TMA7: variants seen among roughly 807,000 people sequenced by gnomAD.
The protein encoded by TMA7 is translation machinery-associated protein 7.
In TMA7, 5 loss-of-function variants were observed where a neutral mutation model predicts 12.5. That is an observed-to-expected ratio of 0.40 (90% confidence interval 0.21 to 0.84). TMA7 has a LOEUF of 0.84. Among genes scored for constraint, TMA7 ranks in the 40% least tolerant of loss-of-function variants. The probability of loss-of-function intolerance (pLI) is 0.36; values close to 1 mark genes in which losing one functional copy is unlikely to be tolerated. For missense variants in TMA7, 71 were observed against 75.4 expected, an observed-to-expected ratio of 0.94 and a Z score of 0.22; for synonymous variants, 36 against 28.1, an observed-to-expected ratio of 1.28 and a Z score of -0.89.
rs200628256 is a variant in TMA7, at chr3:48,440,281, A to T, written c.-16A>T. Reference sequence around the variant, plus strand: ...CGTTTCCGGTGGCAGGGTCTGGGGAAGCGGCGGCAGGCGCCATGTCCGGCC... The same window carrying T: ...CGTTTCCGGTGGCAGGGTCTGGGGATGCGGCGGCAGGCGCCATGTCCGGCC... On this transcript the variant is annotated 5_prime_UTR_variant, in exon 1 of 4. It adds an upstream start codon to the 5' untranslated region. Transcript: ENST00000438607. 1 of 1,600,022 alleles carries T rather than the reference A, an allele frequency of 6.2e-7. No homozygotes were observed. Among genetic ancestry groups the T allele is most frequent in the Admixed American group, 1.7e-5 (1 of 59,272 alleles).
In TMA7 at chr3:48,443,833, ATT is replaced by A. The variant is rs1440909225; in HGVS notation, c.161-11_161-10del. ...ACTATATTTTTCCCTAATTGTGACT[ATT>A]TTTCTTTTGCAGCCACAGGTGGAAT... On this transcript the variant is annotated splice_polypyrimidine_tract_variant and intron_variant, in intron 3 of 3. Coordinates refer to ENST00000438607, the MANE Select transcript of TMA7 (RefSeq NM_015933.6). 1.3e-6 allele frequency: 2 copies of A among 1,558,504 alleles called. No homozygotes were observed. The highest frequency in any genetic ancestry group is 1.7e-6 in the Non-Finnish European group (2 of 1,158,694).
intron 3 of TMA7, chr3:48,441,147 C>G (rs2039553631): frequency 6.5e-6 from 1 of 153,954 alleles, no homozygotes; most frequent in African/African-American, 2.4e-5. Context: ...TCCCAAGTAG[C>G]TGGGATTACA....
At chr3:48,441,899 A>G (rs1259510788) in intron 3 of TMA7, among the ~76,000 whole-genome samples, 1 of 152,114 alleles carries the variant, frequency 6.6e-6, no homozygotes, top group Non-Finnish European at 1.5e-5. Context: ...TTGTTTACCT[A>G]CCCAGCACTG....
Position 48,440,270 on chromosome 3 carries a change from G to A in TMA7, c.-27G>A, listed in dbSNP as rs2039521752. 1.3e-6 allele frequency: 2 copies of A among 1,589,152 alleles called. No individual in the cohort carries two copies. The highest frequency in any genetic ancestry group is 1.7e-5 in the Admixed American group (1 of 57,922). On this transcript the variant is annotated 5_prime_UTR_variant, in exon 1 of 4. Transcript: ENST00000438607. ...GGCAGACGCTCCGTTTCCGGTGGCA[G>A]GGTCTGGGGAAGCGGCGGCAGGCGC...
rs748450207 is a variant in TMA7 at position 48,444,048 on chromosome 3, A to G, written c.*166A>G. 4 of 463,684 alleles carry G rather than the reference A, an allele frequency of 8.6e-6. No homozygotes were observed. Among genetic ancestry groups the G allele is most frequent in the Non-Finnish European group, 1.5e-5 (4 of 274,580 alleles). 28.7% of individuals were successfully genotyped at this position (463,684 alleles called of 1,614,324 possible). A position where few individuals can be genotyped will look rare whatever the true frequency, so the allele number is the denominator to read the frequency against. On this transcript the variant is annotated 3_prime_UTR_variant, in exon 4 of 4. Coordinates refer to ENST00000438607, the MANE Select transcript of TMA7 (RefSeq NM_015933.6). Reference sequence around the variant, plus strand: ...TTTTGTAAAAAAAGAAAAATCTTACAGTGGCTCATCATCTCTTTAGTTGTT... The same window carrying G: ...TTTTGTAAAAAAAGAAAAATCTTACGGTGGCTCATCATCTCTTTAGTTGTT...
intron 3 of TMA7, among the ~76,000 whole-genome samples, chr3:48,442,465 T>A (rs2039593182): frequency 6.6e-6 from 1 of 151,084 alleles, no homozygotes; most frequent in Non-Finnish European, 1.5e-5. Context: ...TTTTTTTTTT[T>A]TTTTTTTAAA....
Position 48,440,309 on chromosome 3 carries a change from G to A in TMA7, c.13G>A (p.Glu5Lys). ...GGCGGCAGGCGCCATGTCCGGCCGC[G>A]AAGGTAAGTGTTCCGGAACCGTGAG... MSGR[E>K]GGKKKPLKQP... is the part of the protein sequence containing the mutation. The change falls in exon 1 of 4, where the codon GAA (glutamate) becomes AAA (lysine). Residue 5 changes from glutamate to lysine, a missense_variant. Glu to Lys is a moderately conservative substitution (Grantham distance 56, BLOSUM62 1). Transcript: ENST00000438607. 6.2e-7 allele frequency: 1 copy of A among 1,608,338 alleles called. No individual in the cohort carries two copies. The highest frequency in any genetic ancestry group is 8.5e-7 in the Non-Finnish European group (1 of 1,177,318).
chr3:48,440,287 G>C lies in TMA7; in HGVS notation c.-10G>C, dbSNP rs371673403. The C allele has an allele frequency of 6.9e-6, 11 of 1,602,522 alleles. No homozygotes were observed. The East Asian group carries it at 1.8e-4, about 26-fold the overall frequency. On this transcript the variant is annotated 5_prime_UTR_variant, in exon 1 of 4. Coordinates refer to ENST00000438607, the MANE Select transcript of TMA7 (RefSeq NM_015933.6). Reference sequence around the variant, plus strand: ...CGGTGGCAGGGTCTGGGGAAGCGGCGGCAGGCGCCATGTCCGGCCGCGAAG... The same window carrying C: ...CGGTGGCAGGGTCTGGGGAAGCGGCCGCAGGCGCCATGTCCGGCCGCGAAG...
chr3:48,443,389 A>C (rs970826609), intron 3 of TMA7, among the ~76,000 whole-genome samples: 1 of 152,026 alleles, frequency 6.6e-6, no homozygotes. Flanking sequence ...TCCACTAAAA[A>C]TACAAAAATT....
chr3:48,441,662 G>A (rs2039573646), intron 3 of TMA7, among the ~76,000 whole-genome samples: 3 of 152,118 alleles, frequency 2.0e-5, no homozygotes, highest in South Asian at 4.1e-4. Flanking sequence ...TTTTATGTAG[G>A]AGAAATTCAT....
intron 3 of TMA7, among the ~76,000 whole-genome samples, chr3:48,441,639 C>A (rs1462840907): frequency 6.6e-6 from 1 of 152,216 alleles, no homozygotes; most frequent in Non-Finnish European, 1.5e-5. Flanking sequence ...GAATCCTCCA[C>A]CTTTTTTACA....
In TMA7 at chr3:48,443,813, ATTT is replaced by A. The variant is rs763741696; in HGVS notation, c.161-32_161-30del. 5.2e-6 allele frequency: 8 copies of A among 1,539,372 alleles called. No individual in the cohort carries two copies. In the East Asian group the frequency reaches 1.7e-4, roughly 33 times the overall value. ...GTGGGGCTTCTACCGTAAGAACTAT[ATTT>A]TTCCCTAATTGTGACTATTTTTCTT... On this transcript the variant is annotated intron_variant, in intron 3 of 3. Transcript: ENST00000438607.
intron 3 of TMA7, among the ~76,000 whole-genome samples, chr3:48,442,295 C>G (rs1179561055): frequency 6.6e-6 from 1 of 150,632 alleles, no homozygotes; most frequent in Non-Finnish European, 1.5e-5. Flanking sequence ...CTTGCACCCT[C>G]TTTTAATCTG....
In TMA7 at chr3:48,440,319, G is replaced by A. The variant is rs2039524814; in HGVS notation, c.16+7G>A. ...GCCATGTCCGGCCGCGAAGGTAAGT[G>A]TTCCGGAACCGTGAGGACTGCGGGG... On this transcript the variant is annotated splice_region_variant and intron_variant, in intron 1 of 3. Transcript: ENST00000438607. 1.9e-6 allele frequency: 3 copies of A among 1,611,314 alleles called. No homozygotes were observed. The highest frequency in any genetic ancestry group is 2.5e-6 in the Non-Finnish European group (3 of 1,179,394).
intron 3 of TMA7, among the ~76,000 whole-genome samples, chr3:48,441,570 G>C (rs1484618862): frequency 6.6e-6 from 1 of 151,516 alleles, no homozygotes; most frequent in African/African-American, 2.4e-5. Flanking sequence ...GGTATGCCTA[G>C]ACTAAAAGAT....
chr3:48,441,010 T>TTTTTG (rs747987196), intron 3 of TMA7: 143 of 270,170 alleles, frequency 5.3e-4, no homozygotes, highest in African/African-American at 1.7e-3. Context: ...CTTAGAAGTT[T>TTTTTG]TTTTGTTTTG....
At chr3:48,443,177 G>A (rs538365335) in intron 3 of TMA7, among the ~76,000 whole-genome samples, 3 of 149,198 alleles carry the variant, frequency 2.0e-5, no homozygotes, top group Non-Finnish European at 4.4e-5. Context: ...GGAGGCGGAG[G>A]CTGCAGTGAG....
At chr3:48,441,554 C>T (rs1383850665) in intron 3 of TMA7, among the ~76,000 whole-genome samples, 1 of 150,958 alleles carries the variant, frequency 6.6e-6, no homozygotes, top group South Asian at 2.1e-4. Flanking sequence ...AGTCTTTTTA[C>T]TTCTGGGTAT....
chr3:48,440,275 TG>T lies in TMA7; in HGVS notation c.-18del, dbSNP rs769956200. Reference sequence around the variant, plus strand: ...ACGCTCCGTTTCCGGTGGCAGGGTCTGGGGAAGCGGCGGCAGGCGCCATGTC... The same window carrying T: ...ACGCTCCGTTTCCGGTGGCAGGGTCTGGGAAGCGGCGGCAGGCGCCATGTC... On this transcript the variant is annotated 5_prime_UTR_variant, in exon 1 of 4. Transcript: ENST00000438607. 6.9e-6 allele frequency: 11 copies of T among 1,597,138 alleles called. No individual in the cohort carries two copies. Among genetic ancestry groups the T allele is most frequent in the South Asian group, 2.3e-5 (2 of 88,808 alleles).
Sources: allele counts gnomAD v4.1 joint callset (sites outside exome capture counted in the v4.1 genomes callset), GRCh38; gene constraint gnomAD v4.1.1; transcripts MANE v1.5; gene names NCBI Gene and HGNC (gene_info 2026-07-23, HGNC 2026-07-21).